Variants in KCNMA1 observed in about 807,000 individuals in gnomAD.
KCNMA1 encodes potassium calcium-activated channel subfamily M alpha 1.
Under a neutral mutation model 140.0 loss-of-function variants are expected in KCNMA1, and 29 were observed. The observed-to-expected ratio is 0.21, with a 90% confidence interval of 0.15 to 0.28. The LOEUF (loss-of-function observed/expected upper bound fraction) is 0.28, where lower values mean the gene tolerates loss of function less well. KCNMA1 is among the 10% of genes least tolerant of loss of function. The probability of loss-of-function intolerance (pLI) is 1.00; values close to 1 mark genes in which losing one functional copy is unlikely to be tolerated. For missense variants in KCNMA1, 880 were observed against 1,602.2 expected (o/e 0.55, Z 7.70); for synonymous variants, 612 against 611.9 (o/e 1.00, Z 0.00).
intron 25 of KCNMA1, among the ~76,000 whole-genome samples, chr10:76,900,984 A>G (rs1229573155): frequency 6.6e-6 from 1 of 152,008 alleles, no homozygotes; most frequent in Non-Finnish European, 1.5e-5. Flanking sequence ...TTATTACAGG[A>G]TTAATCATTG....
intron 2 of KCNMA1, among the ~76,000 whole-genome samples, chr10:77,368,849 G>T (rs2094516919): frequency 6.6e-6 from 1 of 152,114 alleles, no homozygotes; most frequent in African/African-American, 2.4e-5. Context: ...GACCATATTT[G>T]TTGTAGGTCT....
chr10:77,319,802 A>G (rs750476447), intron 2 of KCNMA1, among the ~76,000 whole-genome samples: 3 of 152,218 alleles, frequency 2.0e-5, no homozygotes, highest in African/African-American at 4.8e-5. Flanking sequence ...GTTTCCATCA[A>G]TCTGGTTTGC....
In KCNMA1 at chr10:76,885,405, G is replaced by A. The variant is rs200696269; in HGVS notation, c.*1861C>T. 3.6e-5 allele frequency: 35 copies of A among 984,396 alleles called. No individual in the cohort carries two copies. The highest frequency in any genetic ancestry group is 2.3e-4 in the East Asian group (2 of 8,830). 61.0% of individuals were successfully genotyped at this position (984,396 alleles called of 1,614,324 possible). A position where few individuals can be genotyped will look rare whatever the true frequency, so the allele number is the denominator to read the frequency against. ...ACCACAATACTGGTTTGAATACTAC[G>A]CTGCCCCTGTCTTTGGTGTGGGGGA... On this transcript the variant is annotated 3_prime_UTR_variant, in exon 28 of 28. Transcript: ENST00000286628.
At chr10:77,506,840 A>AGTGTGTGT (rs67309788) in intron 1 of KCNMA1, among the ~76,000 whole-genome samples, 5 of 120,856 alleles carry the variant, frequency 4.1e-5, no homozygotes, top group Non-Finnish European at 6.7e-5. Flanking sequence ...AGAGAGAGAG[A>AGTGTGTGT]GTGTGTGTGT....
chr10:76,915,179 T>G, intron 23 of KCNMA1, 130 bp from the exon 24 acceptor site: 2 of 676,616 alleles, frequency 3.0e-6, no homozygotes, highest in Non-Finnish European at 2.7e-6. Flanking sequence ...ACAATTAGTA[T>G]TCCCGGGATA....
chr10:77,408,110 A>T (rs1456301521), intron 1 of KCNMA1, among the ~76,000 whole-genome samples: 1 of 151,692 alleles, frequency 6.6e-6, no homozygotes, highest in African/African-American at 2.4e-5. Flanking sequence ...ACCCCTTCTG[A>T]CTCGCCCCAT....
chr10:77,361,257 A>G (rs188339490), intron 2 of KCNMA1, among the ~76,000 whole-genome samples: 52 of 152,358 alleles, frequency 3.4e-4, no homozygotes, highest in Non-Finnish European at 7.2e-4. Flanking sequence ...CATCGTCATC[A>G]TCATCATCAT....
intron 3 of KCNMA1, among the ~76,000 whole-genome samples, chr10:77,238,225 C>A (rs948962596): frequency 6.6e-6 from 1 of 152,174 alleles, no homozygotes; most frequent in African/African-American, 2.4e-5. Context: ...CTCTTCCTCT[C>A]CAATGGAGGG....
chr10:76,999,065 G>C (rs2085325577), intron 19 of KCNMA1, among the ~76,000 whole-genome samples: 1 of 152,198 alleles, frequency 6.6e-6, no homozygotes. Flanking sequence ...GTTCCCTGGT[G>C]GGGGCTGATT....
chr10:77,030,345 A>G (rs2093840625), intron 15 of KCNMA1, among the ~76,000 whole-genome samples: 1 of 152,216 alleles, frequency 6.6e-6, no homozygotes, highest in Non-Finnish European at 1.5e-5. Context: ...TGGGACTGTT[A>G]CTTCTGGAGC....
chr10:76,885,687 T>C lies in KCNMA1; in HGVS notation c.*1579A>G, dbSNP rs2036581162. 1.0e-6 allele frequency: 1 copy of C among 985,300 alleles called. No homozygotes were observed. The highest frequency in any genetic ancestry group is 1.2e-6 in the Non-Finnish European group (1 of 829,878). 61.0% of individuals were successfully genotyped at this position (985,300 alleles called of 1,614,324 possible). A position where few individuals can be genotyped will look rare whatever the true frequency, so the allele number is the denominator to read the frequency against. On this transcript the variant is annotated 3_prime_UTR_variant, in exon 28 of 28. Coordinates refer to ENST00000286628, the MANE Select transcript of KCNMA1 (RefSeq NM_001161352.2). ...AATATGTATATACCAGCCTAGTCCA[T>C]CCATAAGGGAAATTGGTTATGGTGA...
chr10:77,150,424 T>C (rs1013107315), intron 5 of KCNMA1, among the ~76,000 whole-genome samples: 2 of 152,192 alleles, frequency 1.3e-5, no homozygotes, highest in African/African-American at 4.8e-5. Flanking sequence ...AATCCAGATA[T>C]ATAAAATGAA....
At chr10:77,160,038 T>C (rs548588778) in intron 5 of KCNMA1, among the ~76,000 whole-genome samples, 4 of 152,158 alleles carry the variant, frequency 2.6e-5, no homozygotes, top group Non-Finnish European at 4.4e-5. Flanking sequence ...TGGAGGTGGA[T>C]GAATCCCAAC....
intron 3 of KCNMA1, among the ~76,000 whole-genome samples, chr10:77,190,463 C>T (rs933234109): frequency 1.3e-5 from 2 of 152,160 alleles, no homozygotes; most frequent in African/African-American, 2.4e-5. Context: ...TTGTGCCATA[C>T]CACTTCCTCT....
At chr10:77,217,873 C>T (rs947045728) in intron 3 of KCNMA1, among the ~76,000 whole-genome samples, 20 of 152,050 alleles carry the variant, frequency 1.3e-4, no homozygotes, top group South Asian at 4.2e-4. Flanking sequence ...CATAAAAGTT[C>T]GATAACCACC....
chr10:77,270,602 AC>A (rs928613566), intron 2 of KCNMA1, among the ~76,000 whole-genome samples: 4 of 149,110 alleles, frequency 2.7e-5, no homozygotes, highest in Admixed American at 2.0e-4. Flanking sequence ...GCTCACTGCA[AC>A]CTCTGCCTCC....
At chr10:77,636,890 G>A (rs2093802315) in intron 1 of KCNMA1, 1 of 1,422,006 alleles carries the variant, frequency 7.0e-7, no homozygotes, top group East Asian at 2.6e-5. Context: ...TGCAAAACAC[G>A]CACCCAGCTG....
intron 1 of KCNMA1, among the ~76,000 whole-genome samples, chr10:77,451,937 C>T (rs537797695): frequency 3.3e-5 from 5 of 152,286 alleles, no homozygotes; most frequent in Middle Eastern, 3.4e-3. Flanking sequence ...GTGGAACACC[C>T]CTGGCTTTGA....
chr10:77,446,490 A>G lies in KCNMA1; in HGVS notation c.379-42467T>C, dbSNP rs2097531707. 2.0e-5 allele frequency among the ~76,000 whole-genome samples: 3 copies of G among 152,254 alleles called. No homozygotes were observed. In the South Asian group the frequency reaches 6.2e-4, roughly 31 times the overall value. ...GAGCCCATGAAGAGAAATGAATGAA[A>G]GGGCCCAGGGAGATTCTCAAGGCCC... On this transcript the variant is annotated intron_variant, in intron 1 of 27. Transcript: ENST00000286628.
Sources: gnomAD v4.1 joint callset for allele counts (sites outside exome capture counted in the v4.1 genomes callset) on GRCh38, gnomAD v4.1.1 for gene constraint, MANE v1.5 for transcripts, NCBI Gene and HGNC (gene_info 2026-07-23, HGNC 2026-07-21) for gene names.